The following SIL1 variants were observed in gnomAD, a reference collection of about 807,000 sequenced individuals.
SIL1 encodes nucleotide exchange factor SIL1.
In SIL1, 40 loss-of-function variants were observed where a neutral mutation model predicts 49.1. That is an observed-to-expected ratio of 0.81 (90% confidence interval 0.63 to 1.06). The LOEUF is 1.06. Among genes scored for constraint, SIL1 ranks in the 50% least tolerant of loss-of-function variants. The pLI is 0.00. For synonymous variants in SIL1, 253 were observed against 250.8 expected (o/e 1.01, Z -0.08); for missense variants, 500 against 572.6 (o/e 0.87, Z 1.29).
intron 3 of SIL1, among the ~76,000 whole-genome samples, chr5:139,117,989 GAC>G (rs1158834464): frequency 4.6e-5 from 7 of 152,124 alleles, no homozygotes; most frequent in African/African-American, 7.2e-5. Flanking sequence ...GGAGCCTAAG[GAC>G]AACACAGCTG....
At chr5:139,023,327 G>A (rs1020025142) in intron 6 of SIL1, among the ~76,000 whole-genome samples, 3 of 152,178 alleles carry the variant, frequency 2.0e-5, no homozygotes, top group Admixed American at 6.5e-5. Flanking sequence ...TGCCTTCGGG[G>A]TGGGGTGGGA....
At chr5:139,104,025 AG>A (rs1770649104) in intron 3 of SIL1, among the ~76,000 whole-genome samples, 1 of 152,176 alleles carries the variant, frequency 6.6e-6, no homozygotes, top group South Asian at 2.1e-4. Flanking sequence ...GACTGGGGTG[AG>A]GGTTCCTACA....
intron 1 of SIL1, among the ~76,000 whole-genome samples, chr5:139,190,629 C>G (rs6871867): frequency 0.48 from 72,470 of 151,936 alleles, 17,852 homozygotes; most frequent in South Asian, 0.55. Flanking sequence ...CCTACCATTA[C>G]GTGGCCCACT....
intron 1 of SIL1, among the ~76,000 whole-genome samples, chr5:139,145,484 A>G (rs1751172893): frequency 6.6e-6 from 1 of 152,206 alleles, no homozygotes; most frequent in African/African-American, 2.4e-5. Context: ...TAGATACCCA[A>G]AAGATGTGAA....
chr5:139,065,751 T>C (rs1156270771), intron 3 of SIL1, among the ~76,000 whole-genome samples: 1 of 152,222 alleles, frequency 6.6e-6, no homozygotes, highest in Non-Finnish European at 1.5e-5. Flanking sequence ...ATGGGAACTC[T>C]GTGCTGTCAC....
intron 7 of SIL1, among the ~76,000 whole-genome samples, chr5:138,998,946 T>A (rs1767931234): frequency 7.1e-6 from 1 of 140,632 alleles, no homozygotes; most frequent in Non-Finnish European, 1.5e-5. Context: ...AACCTCTGCC[T>A]CCCAGGTTCA....
chr5:139,141,192 C>T (rs11955283), intron 1 of SIL1, among the ~76,000 whole-genome samples: 3,763 of 152,324 alleles, frequency 0.025, 149 homozygotes, highest in African/African-American at 0.085. Context: ...GTCTGTGTAA[C>T]ATACCACTGT....
intron 3 of SIL1, among the ~76,000 whole-genome samples, chr5:139,115,827 G>T (rs112174884): frequency 1.3e-5 from 2 of 152,198 alleles, no homozygotes; most frequent in Non-Finnish European, 2.9e-5. Context: ...GAAGGAGATT[G>T]TGAGAATCCC....
intron 3 of SIL1, among the ~76,000 whole-genome samples, chr5:139,077,283 C>T (rs1769973588): frequency 6.6e-6 from 1 of 152,188 alleles, no homozygotes; most frequent in African/African-American, 2.4e-5. Context: ...TACATAATAC[C>T]TTTATGAACA....
intron 3 of SIL1, among the ~76,000 whole-genome samples, chr5:139,060,829 G>C (rs1283252650): frequency 6.6e-6 from 1 of 152,138 alleles, no homozygotes. Context: ...ACCCAGGAAT[G>C]AAGTTCTTGG....
At chr5:139,057,314 T>TTAAAAAAAAAAAAAAAAA (rs781049621) in intron 3 of SIL1, among the ~76,000 whole-genome samples, 918 of 72,552 alleles carry the variant, frequency 0.013, 126 homozygotes, top group Middle Eastern at 0.022. Flanking sequence ...GAATGATCAA[T>TTAAAAAAAAAAAAAAAAA]AAAAAAAAAA....
chr5:138,968,486 G>C (rs548940942), intron 7 of SIL1, among the ~76,000 whole-genome samples: 6 of 151,994 alleles, frequency 3.9e-5, no homozygotes, highest in Non-Finnish European at 5.9e-5. Context: ...GCCCCTGCCC[G>C]TCCCCATCTT....
chr5:138,951,940 G>A (rs1766790228), intron 7 of SIL1, 56 bp from the exon 8 acceptor site: 2 of 1,476,328 alleles, frequency 1.4e-6, no homozygotes, highest in Non-Finnish European at 1.9e-6. Context: ...GGATCGGATG[G>A]TCAGGGAACT....
chr5:139,122,246 A>G (rs1252851927), intron 2 of SIL1, among the ~76,000 whole-genome samples: 1 of 152,116 alleles, frequency 6.6e-6, no homozygotes, highest in Middle Eastern at 3.2e-3. Flanking sequence ...TTCTAACCAC[A>G]ACTGGGAGAT....
intron 1 of SIL1, among the ~76,000 whole-genome samples, chr5:139,141,196 C>T (rs565701031): frequency 1.3e-5 from 2 of 152,190 alleles, no homozygotes; most frequent in Non-Finnish European, 2.9e-5. Context: ...GTGTAACATA[C>T]CACTGTCTCC....
rs546920522 is a variant in SIL1, at chr5:139,174,904, C to A, written c.-11+23365G>T. Among the ~76,000 whole-genome samples, 70 of 132,462 alleles carry A rather than the reference C, an allele frequency of 5.3e-4. No individual in the cohort carries two copies. The South Asian group carries it at 0.014, about 27-fold the overall frequency. 86.9% of individuals were successfully genotyped at this position (132,462 alleles called of 152,430 possible). A position where few individuals can be genotyped will look rare whatever the true frequency, so the allele number is the denominator to read the frequency against. ...AGTGAAGCGACATCATGTCACTGCA[C>A]TCCAGCCTGGATGACAGAGTAAGAC... On this transcript the variant is annotated intron_variant, in intron 1 of 9. Transcript: ENST00000394817.
chr5:139,001,072 C>CTG (rs1446753672), intron 7 of SIL1, among the ~76,000 whole-genome samples: 1 of 151,794 alleles, frequency 6.6e-6, no homozygotes, highest in Non-Finnish European at 1.5e-5. Context: ...TTCCAATTGT[C>CTG]TGTGTGTGTG....
intron 3 of SIL1, among the ~76,000 whole-genome samples, chr5:139,051,548 C>T (rs1327325167): frequency 2.6e-5 from 4 of 152,230 alleles, no homozygotes; most frequent in African/African-American, 9.6e-5. Context: ...TAGGCTCCTT[C>T]TATGAGGCTC....
intron 1 of SIL1, among the ~76,000 whole-genome samples, chr5:139,163,948 G>C (rs767651301): frequency 6.6e-6 from 1 of 151,852 alleles, no homozygotes; most frequent in Non-Finnish European, 1.5e-5. Context: ...GTGAAACCCC[G>C]TCTCTACTAA....
Sources: allele counts gnomAD v4.1 joint callset (sites outside exome capture counted in the v4.1 genomes callset), GRCh38; gene constraint gnomAD v4.1.1; transcripts MANE v1.5; gene names NCBI Gene and HGNC (gene_info 2026-07-23, HGNC 2026-07-21).